Variants in SANBR observed in about 807,000 individuals in gnomAD.
The protein encoded by SANBR is SANT and BTB domain regulator of class switch recombination.
A neutral mutation model predicts 101.8 loss-of-function variants in SANBR; 77 were observed. The ratio of observed to expected loss-of-function variants is 0.76; its 90% CI spans 0.63 to 0.91. SANBR has a LOEUF of 0.91. Among genes scored for constraint, SANBR ranks in the 40% least tolerant of loss-of-function variants. The pLI is 0.00. For synonymous variants in SANBR, 279 were observed against 274.7 expected, an observed-to-expected ratio of 1.02 and a Z score of -0.15; for missense variants, 875 against 853.0, an observed-to-expected ratio of 1.03 and a Z score of -0.32.
rs1244384281 is a variant in SANBR, at chr2:61,088,164, T to A, written c.896T>A (p.Leu299His). ...KDKKDKFKSK[L>H]FCKKIERLFD... is the part of the protein sequence containing the mutation. ...TGGTCATTTGTTGTTAATAGCAAAC[T>A]TTTTTGTAAGAAGATTGAAAGACTG... Residue 299 changes from leucine (L) to histidine (H), a missense_variant, in exon 9 of 22, where the codon CTT becomes CAT. Physicochemically the swap from Leu to His is moderately conservative, Grantham distance 99. Transcript: ENST00000402291. The A allele has an allele frequency of 6.3e-7, 1 of 1,595,304 alleles. No homozygotes were observed. Among genetic ancestry groups the A allele is most frequent in the Non-Finnish European group, 8.5e-7 (1 of 1,173,198 alleles).
At chr2:61,068,636 C>G (rs1046387331) in intron 1 of SANBR, among the ~76,000 whole-genome samples, 6 of 152,138 alleles carry the variant, frequency 3.9e-5, no homozygotes, top group Admixed American at 2.0e-4. Flanking sequence ...CTGACTCTTT[C>G]TAGTCATTTT....
chr2:61,109,273 A>G lies in SANBR; in HGVS notation c.1721A>G (p.Glu574Gly), dbSNP rs1223505908. The G allele has an allele frequency of 1.9e-6, 3 of 1,571,066 alleles. No individual in the cohort carries two copies. The highest frequency in any genetic ancestry group is 2.6e-6 in the Non-Finnish European group (3 of 1,153,264). The change falls in exon 16 of 22, where the codon GAA (glutamate) becomes GGA (glycine). Residue 574 changes from glutamate to glycine, a missense_variant. By Grantham distance (98) the Glu-to-Gly change is moderately conservative (BLOSUM62 -2). Coordinates refer to ENST00000402291, the MANE Select transcript of SANBR (RefSeq NM_001129993.3). ...GTCACTGAAGATGAAGTTGGAGATG[A>G]AGAAGAAGTATCCAAGAAACAAAGT... ...SEVTEDEVGD[E>G]EEVSKKQRKK... is the part of the protein sequence containing the mutation.
At chr2:61,081,328 TATA>T in intron 6 of SANBR, 121 bp from the exon 7 acceptor site, 2 of 949,108 alleles carry the variant, frequency 2.1e-6, no homozygotes, top group East Asian at 6.1e-5. Context: ...ACCCATAAGC[TATA>T]ATAAGATTGT....
chr2:61,069,713 G>A (rs1336673143), intron 2 of SANBR: 1 of 152,270 alleles, frequency 6.6e-6, no homozygotes, highest in Non-Finnish European at 1.5e-5. Flanking sequence ...GAAGTATCTC[G>A]TACACATTGA....
intron 11 of SANBR, among the ~76,000 whole-genome samples, chr2:61,095,561 AG>A (rs1682991669): frequency 6.6e-6 from 1 of 152,198 alleles, no homozygotes. Context: ...TAGAAAAAAA[AG>A]ATCAGTGCTT....
downstream of SANBR, chr2:61,124,353 C>T: frequency 1.5e-6 from 1 of 660,456 alleles, no homozygotes; most frequent in South Asian, 6.9e-5. Context: ...CTCTAGATTC[C>T]ACAGGTTTTC....
chr2:61,130,028 T>C (rs1305671450), intron 20 of SANBR, among the ~76,000 whole-genome samples: 16 of 152,102 alleles, frequency 1.1e-4, no homozygotes. Flanking sequence ...CTTTGGAATT[T>C]ATTATAAATG....
chr2:61,089,995 C>T (rs749971302), intron 10 of SANBR, among the ~76,000 whole-genome samples: 1 of 151,986 alleles, frequency 6.6e-6, no homozygotes, highest in African/African-American at 2.4e-5. Context: ...AGCCAGACCC[C>T]ATCTCTACAA....
intron 19 of SANBR, 27 bp from the exon 20 acceptor site, chr2:61,118,001 T>G (rs757507518): frequency 1.5e-5 from 23 of 1,559,510 alleles, no homozygotes; most frequent in Non-Finnish European, 2.0e-5. Flanking sequence ...TTATGAAAAG[T>G]AAAGTTTACT....
rs1682129596 is a variant in SANBR at position 61,081,575 on chromosome 2, A to G, written c.729+65A>G. On this transcript the variant is annotated intron_variant, in intron 7 of 21. Transcript: ENST00000402291. ...ACTTATGCTTTCTTTTCCTTCAAGT[A>G]TCTAGAAAATTCTGAGACTTTATTA... is the stretch of plus-strand genomic sequence containing the variant. The G allele has an allele frequency of 2.8e-6, 4 of 1,418,614 alleles. No homozygotes were observed. In the Admixed American group the frequency reaches 1.1e-4, roughly 39 times the overall value. The allele number at this position is 1,418,614 out of a possible 1,614,324, so 87.9% of individuals were successfully genotyped here.
chr2:61,124,088 C>T lies in SANBR; in HGVS notation c.*1926C>T, dbSNP rs1573676125. On this transcript the variant is annotated 3_prime_UTR_variant, in exon 22 of 22. Coordinates refer to ENST00000402291, the MANE Select transcript of SANBR (RefSeq NM_001129993.3). ...CTAGCCTGGGTGACAGAGCAAGACT[C>T]CATCTCAATTTAAAACAAAAAAAGA... 1 of 896,924 alleles carries T rather than the reference C, an allele frequency of 1.1e-6. No homozygotes were observed. Among genetic ancestry groups the T allele is most frequent in the Non-Finnish European group, 1.3e-6 (1 of 749,240 alleles). 55.6% of individuals were successfully genotyped at this position (896,924 alleles called of 1,614,324 possible).
At chr2:61,135,676 G>A (rs564148318) in intron 21 of SANBR, among the ~76,000 whole-genome samples, 2 of 152,290 alleles carry the variant, frequency 1.3e-5, no homozygotes, top group South Asian at 2.1e-4. Flanking sequence ...GGTGCTAAAA[G>A]TGCAGGAAAA....
At chr2:61,074,701 G>GC (rs2104852699) in intron 5 of SANBR, among the ~76,000 whole-genome samples, 1 of 152,292 alleles carries the variant, frequency 6.6e-6, no homozygotes, top group South Asian at 2.1e-4. Flanking sequence ...ACCGCATCTG[G>GC]CCATATTCAC....
intron 16 of SANBR, among the ~76,000 whole-genome samples, chr2:61,111,029 A>G (rs1022955265): frequency 1.3e-5 from 2 of 152,160 alleles, no homozygotes; most frequent in African/African-American, 2.4e-5. Context: ...GTAGTCAGAC[A>G]TGGGACATTC....
chr2:61,084,171 C>G (rs1485361911), intron 8 of SANBR, among the ~76,000 whole-genome samples: 1 of 152,110 alleles, frequency 6.6e-6, no homozygotes, highest in African/African-American at 2.4e-5. Context: ...CCAGCCTGGT[C>G]TTGAACTCCT....
At chr2:61,079,028 G>GAC (rs898131138) in intron 6 of SANBR, among the ~76,000 whole-genome samples, 1 of 151,502 alleles carries the variant, frequency 6.6e-6, no homozygotes, top group African/African-American at 2.4e-5. Context: ...GACAGAGTGA[G>GAC]ACCCTTTCTA....
chr2:61,101,392 A>AT (rs1559116869), intron 12 of SANBR, among the ~76,000 whole-genome samples: 1 of 152,142 alleles, frequency 6.6e-6, no homozygotes, highest in Non-Finnish European at 1.5e-5. Flanking sequence ...TAGCTATCAT[A>AT]TTTCTACATT....
chr2:61,083,894 G>A (rs1239869068), intron 8 of SANBR, among the ~76,000 whole-genome samples: 1 of 151,884 alleles, frequency 6.6e-6, no homozygotes, highest in Non-Finnish European at 1.5e-5. Flanking sequence ...TTTTTGTAGA[G>A]ACAGGGTCTC....
chr2:61,098,452 T>C (rs557104291), intron 12 of SANBR, among the ~76,000 whole-genome samples: 4 of 152,278 alleles, frequency 2.6e-5, no homozygotes, highest in South Asian at 4.1e-4. Flanking sequence ...AATAATATTC[T>C]GTAATTTGCC....
Sources: allele counts gnomAD v4.1 joint callset (sites outside exome capture counted in the v4.1 genomes callset), GRCh38; gene constraint gnomAD v4.1.1; transcripts MANE v1.5; gene names NCBI Gene and HGNC (gene_info 2026-07-23, HGNC 2026-07-21).